TAB2: variants seen among roughly 807,000 people sequenced by gnomAD.
The protein encoded by TAB2 is TGF-beta-activated kinase 1 and MAP3K7-binding protein 2.
A neutral mutation model predicts 65.0 loss-of-function variants in TAB2; 3 were observed. That is an observed-to-expected ratio of 0.05 (90% confidence interval 0.02 to 0.12). TAB2 has a LOEUF of 0.12. Ranked by LOEUF, TAB2 falls within the 10% of genes least tolerant of loss-of-function variation. The pLI, the probability that TAB2 is intolerant of heterozygous loss-of-function variation, is 1.00. For synonymous variants in TAB2, 298 were observed against 285.1 expected (o/e 1.05, Z -0.46); for missense variants, 623 against 840.3 (o/e 0.74, Z 3.20).
chr6:149,249,338 C>G (rs147510080), intron 1 of TAB2, among the ~76,000 whole-genome samples: 1 of 152,270 alleles, frequency 6.6e-6, no homozygotes, highest in South Asian at 2.1e-4. Context: ...GCATTGGACC[C>G]TCAAAAACAT....
intron 1 of TAB2, among the ~76,000 whole-genome samples, chr6:149,292,537 G>T (rs1351630740): frequency 6.6e-6 from 1 of 152,168 alleles, no homozygotes; most frequent in African/African-American, 2.4e-5. Context: ...GGGAATGAAA[G>T]AAATTGTTTT....
chr6:149,274,417 T>G (rs1158928331), intron 1 of TAB2, among the ~76,000 whole-genome samples: 1 of 152,234 alleles, frequency 6.6e-6, no homozygotes, highest in Non-Finnish European at 1.5e-5. Flanking sequence ...TATTTGTTTA[T>G]GGGAGGAGCC....
chr6:149,369,141 G>A (rs1416595166), intron 1 of TAB2, among the ~76,000 whole-genome samples: 1 of 152,040 alleles, frequency 6.6e-6, no homozygotes, highest in Non-Finnish European at 1.5e-5. Context: ...TTTTATTTAG[G>A]TTAATGTACT....
At chr6:149,399,958 G>A in intron 6 of TAB2, among the ~76,000 whole-genome samples, 1 of 152,174 alleles carries the variant, frequency 6.6e-6, no homozygotes, top group Non-Finnish European at 1.5e-5. Context: ...AAGTTAAGTT[G>A]TTATCAACTT....
At chr6:149,397,549 A>G in intron 3 of TAB2, 55 bp from the exon 4 acceptor site, 2 of 1,590,800 alleles carry the variant, frequency 1.3e-6, no homozygotes, top group East Asian at 2.2e-5. Context: ...AAGTCTGCTT[A>G]AAGGTTAATT....
chr6:149,380,459 C>G (rs1216728211), intron 3 of TAB2, among the ~76,000 whole-genome samples: 1 of 121,674 alleles, frequency 8.2e-6, no homozygotes, highest in Non-Finnish European at 1.8e-5. Context: ...AATTGATTAT[C>G]CTTTTCTGAA....
At chr6:149,286,182 C>T (rs1352187193) in intron 1 of TAB2, among the ~76,000 whole-genome samples, 3 of 152,042 alleles carry the variant, frequency 2.0e-5, no homozygotes, top group Non-Finnish European at 2.9e-5. Flanking sequence ...TTGTTATTAA[C>T]GTCATGGTCT....
chr6:149,378,385 T>A lies in TAB2; in HGVS notation c.470T>A (p.Phe157Tyr). Residue 157 changes from phenylalanine to tyrosine, a missense_variant, in exon 3 of 7, where the codon TTT becomes TAT. This residue lies in a region of TAB2 where 550 missense variants were observed against 665.7 expected (regional missense o/e 0.83). Transcript: ENST00000637181. The part of the protein sequence containing the change: ...GASNSAPHLG[F>Y]HLGSKGTSSL... ...TCAAATTCAGCACCACATCTTGGATTTCACTTAGGCAGCAAAGGAACATCT... is the reference window on the plus strand; with the variant it reads ...TCAAATTCAGCACCACATCTTGGATATCACTTAGGCAGCAAAGGAACATCT... The A allele has an allele frequency of 1.9e-6, 3 of 1,614,232 alleles. No individual in the cohort carries two copies. Among genetic ancestry groups the A allele is most frequent in the Non-Finnish European group, 2.5e-6 (3 of 1,180,040 alleles).
intron 6 of TAB2, among the ~76,000 whole-genome samples, chr6:149,403,726 G>C (rs534907106): frequency 2.0e-5 from 3 of 152,150 alleles, no homozygotes; most frequent in African/African-American, 7.2e-5. Flanking sequence ...ATTCATGGCA[G>C]AAAGTGAAGG....
chr6:149,289,967 C>G (rs1778747238), intron 1 of TAB2, among the ~76,000 whole-genome samples: 2 of 152,078 alleles, frequency 1.3e-5, no homozygotes, highest in African/African-American at 4.8e-5. Context: ...ATCTAAAGAC[C>G]TGGAATCAAG....
At chr6:149,249,139 CACACACACACACAT>C (rs1489834076) in intron 1 of TAB2, among the ~76,000 whole-genome samples, 1 of 118,084 alleles carries the variant, frequency 8.5e-6, no homozygotes, top group African/African-American at 4.0e-5. Context: ...CACACATACA[CACACACACACACAT>C]ACACACACAC....
chr6:149,225,962 A>T lies in TAB2; in HGVS notation c.-121+7186A>T, dbSNP rs535793319. Among the ~76,000 whole-genome samples, 9 of 152,144 alleles carry T rather than the reference A, an allele frequency of 5.9e-5. No individual in the cohort carries two copies. The East Asian group carries it at 1.7e-3, about 29-fold the overall frequency. ...GGGAACACAAGCAGACATGAGGCCCAGGAGGGTCGCTGAAGTGAAAGGGGC... is the reference window on the plus strand; with the variant it reads ...GGGAACACAAGCAGACATGAGGCCCTGGAGGGTCGCTGAAGTGAAAGGGGC... On this transcript the variant is annotated intron_variant, in intron 1 of 1. Coordinates refer to the TAB2 transcript ENST00000606202.
intron 1 of TAB2, among the ~76,000 whole-genome samples, chr6:149,348,727 G>C (rs1562427086): frequency 6.6e-6 from 1 of 151,956 alleles, no homozygotes; most frequent in Non-Finnish European, 1.5e-5. Flanking sequence ...ACTTTGGAAG[G>C]ACGAGGCAGG....
chr6:149,385,527 A>G (rs1781762433), intron 3 of TAB2, among the ~76,000 whole-genome samples: 1 of 152,220 alleles, frequency 6.6e-6, no homozygotes. Context: ...AGCAATTAAG[A>G]TTAGTTGACA....
intron 1 of TAB2, among the ~76,000 whole-genome samples, chr6:149,292,496 T>C (rs1778795400): frequency 6.6e-6 from 1 of 151,696 alleles, no homozygotes; most frequent in Admixed American, 6.7e-5. Context: ...CTCCTTACTT[T>C]GAAAAAGAGA....
intron 1 of TAB2, among the ~76,000 whole-genome samples, chr6:149,273,094 A>T (rs1240370294): frequency 6.6e-6 from 1 of 152,162 alleles, no homozygotes; most frequent in African/African-American, 2.4e-5. Flanking sequence ...TGGCGACAAA[A>T]GCATCGAGGA....
intron 1 of TAB2, among the ~76,000 whole-genome samples, chr6:149,337,432 G>A (rs748967105): frequency 6.9e-4 from 105 of 152,102 alleles, no homozygotes; most frequent in Non-Finnish European, 1.1e-3. Context: ...GAACCAAACT[G>A]GAGAAGGCAT....
chr6:149,289,708 G>A (rs1396316384), intron 1 of TAB2, among the ~76,000 whole-genome samples: 3 of 152,240 alleles, frequency 2.0e-5, no homozygotes, highest in African/African-American at 7.2e-5. Context: ...TTTATTCTGA[G>A]CCAAATATGA....
chr6:149,247,897 C>G (rs539289605), intron 1 of TAB2: 1 of 152,170 alleles, frequency 6.6e-6, no homozygotes, highest in African/African-American at 2.4e-5. Context: ...ACATCACACA[C>G]GAGGGCCTGT....
Sources: allele counts gnomAD v4.1 joint callset (sites outside exome capture counted in the v4.1 genomes callset), GRCh38; gene constraint gnomAD v4.1.1; regional missense constraint gnomAD v4.1.1; transcripts MANE v1.5; gene names NCBI Gene and HGNC (gene_info 2026-07-23, HGNC 2026-07-21).